Variants in CCDC150 observed in about 807,000 individuals in gnomAD.
CCDC150 encodes the protein coiled-coil domain containing 150.
In CCDC150, 151 loss-of-function variants were observed where a neutral mutation model predicts 156.5. That is an observed-to-expected ratio of 0.97 (90% confidence interval 0.85 to 1.10). CCDC150 has a LOEUF of 1.10. Ranked by LOEUF, CCDC150 falls within the 50% of genes least tolerant of loss-of-function variation. CCDC150 has a pLI of 0.00. For missense variants in CCDC150, 1,312 were observed against 1,268.1 expected (o/e 1.03, Z -0.53); for synonymous variants, 452 against 429.4 (o/e 1.05, Z -0.65).
At chr2:196,709,054 T>G (rs553971635) in intron 15 of CCDC150, among the ~76,000 whole-genome samples, 4 of 152,332 alleles carry the variant, frequency 2.6e-5, no homozygotes, top group African/African-American at 9.6e-5. Flanking sequence ...TGTCCTGTCT[T>G]GCTAGGTTGG....
chr2:196,648,421 C>A (rs941568493), intron 2 of CCDC150, among the ~76,000 whole-genome samples: 6 of 151,828 alleles, frequency 4.0e-5, no homozygotes, highest in African/African-American at 1.5e-4. Flanking sequence ...ATCAAGTTGG[C>A]CATTTGTATG....
chr2:196,645,469 G>T (rs191895852), intron 1 of CCDC150, among the ~76,000 whole-genome samples: 1 of 152,172 alleles, frequency 6.6e-6, no homozygotes, highest in Non-Finnish European at 1.5e-5. Flanking sequence ...GAACACTATC[G>T]CTAGAAATGG....
intron 13 of CCDC150, among the ~76,000 whole-genome samples, chr2:196,685,672 T>C (rs954147950): frequency 6.6e-6 from 1 of 151,762 alleles, no homozygotes; most frequent in Non-Finnish European, 1.5e-5. Context: ...AGTGCAGCGG[T>C]GCCATCTCGG....
chr2:196,676,365 T>A, intron 11 of CCDC150, 98 bp downstream of exon 11: 1 of 1,478,660 alleles, frequency 6.8e-7, no homozygotes. Flanking sequence ...TGAAAACATT[T>A]GATTCTGCAT....
intron 17 of CCDC150, among the ~76,000 whole-genome samples, chr2:196,717,383 G>A (rs1306459511): frequency 6.6e-6 from 1 of 152,130 alleles, no homozygotes; most frequent in Admixed American, 6.5e-5. Context: ...TGTGGCAGTG[G>A]CAGTCATGTG....
chr2:196,667,844 C>T (rs1693940110), intron 7 of CCDC150: 1 of 152,206 alleles, frequency 6.6e-6, no homozygotes, highest in Non-Finnish European at 1.5e-5. Context: ...TAGTGAATTA[C>T]TGTGTGAAGT....
Position 196,676,660 on chromosome 2 carries a change from C to T in CCDC150, c.1369C>T (p.Arg457Ter), listed in dbSNP as rs760076975. ...ELLESTIARL[R>*]GELEASMQEK... ...GCTAGAATCAACTATTGCAAGATTG[C>T]GAGGTGAATTGGAAGCATCAATGCA... is the stretch of plus-strand genomic sequence containing the variant. The change falls in exon 12 of 28, where the codon CGA becomes TGA. Residue 457 changes from arginine (R) to a stop codon, truncating the protein, a stop_gained. Coordinates refer to ENST00000389175, the MANE Select transcript of CCDC150 (RefSeq NM_001080539.2). LOFTEE classifies it high-confidence loss of function. The T allele has an allele frequency of 8.1e-6, 13 of 1,613,604 alleles. No individual in the cohort carries two copies. Among genetic ancestry groups the T allele is most frequent in the South Asian group, 4.4e-5 (4 of 91,066 alleles).
chr2:196,704,174 G>A (rs1696431391), intron 15 of CCDC150, among the ~76,000 whole-genome samples: 1 of 152,184 alleles, frequency 6.6e-6, no homozygotes. Context: ...TACATTTTCA[G>A]AATCAACTTG....
chr2:196,713,490 C>T (rs1287706172), intron 17 of CCDC150: 2 of 1,550,732 alleles, frequency 1.3e-6, no homozygotes, highest in South Asian at 1.2e-5. Context: ...CCAAACTCTA[C>T]ACGCCGTGTG....
intron 4 of CCDC150, among the ~76,000 whole-genome samples, chr2:196,657,821 T>C (rs1312271553): frequency 6.6e-6 from 1 of 152,214 alleles, no homozygotes; most frequent in Non-Finnish European, 1.5e-5. Flanking sequence ...TTAACAATGA[T>C]AGTACTGGGT....
chr2:196,682,411 T>G (rs1347919258), intron 13 of CCDC150, among the ~76,000 whole-genome samples: 1 of 151,570 alleles, frequency 6.6e-6, no homozygotes, highest in African/African-American at 2.4e-5. Flanking sequence ...CTTTTTTTTT[T>G]GTTGTTATTT....
At chr2:196,680,843 T>C (rs1039645578) in intron 13 of CCDC150, among the ~76,000 whole-genome samples, 1 of 152,210 alleles carries the variant, frequency 6.6e-6, no homozygotes, top group African/African-American at 2.4e-5. Context: ...CCACCAGCAA[T>C]GTTTGAGAGT....
chr2:196,646,316 A>G, intron 1 of CCDC150, 25 bp from the exon 2 acceptor site: 1 of 1,608,696 alleles, frequency 6.2e-7, no homozygotes, highest in Non-Finnish European at 8.5e-7. Context: ...GACCTACCAC[A>G]CTAAGATTGT....
intron 12 of CCDC150, 90 bp from the exon 13 acceptor site, chr2:196,677,203 A>G: frequency 1.2e-6 from 1 of 830,374 alleles, no homozygotes; most frequent in Admixed American, 2.0e-5. Context: ...GTAGGTATTA[A>G]TTGACATGCA....
At chr2:196,702,236 G>A (rs1180791919) in intron 15 of CCDC150, among the ~76,000 whole-genome samples, 1 of 152,054 alleles carries the variant, frequency 6.6e-6, no homozygotes, top group Non-Finnish European at 1.5e-5. Flanking sequence ...GTGATAGAGT[G>A]AGACCCTGTC....
At chr2:196,672,734 C>T (rs1575803072) in intron 9 of CCDC150, among the ~76,000 whole-genome samples, 1 of 152,194 alleles carries the variant, frequency 6.6e-6, no homozygotes, top group East Asian at 1.9e-4. Flanking sequence ...TGTATTTCCC[C>T]CTCCAAAGTG....
chr2:196,730,931 G>A lies in CCDC150; in HGVS notation c.3055G>A (p.Val1019Met). The A allele has an allele frequency of 6.3e-7, 1 of 1,596,924 alleles. No individual in the cohort carries two copies. Among genetic ancestry groups the A allele is most frequent in the East Asian group, 2.3e-5 (1 of 44,280 alleles). Residue 1019 changes from valine to methionine, a missense_variant, in exon 26 of 28, where the codon GTG becomes ATG. By Grantham distance (21) the Val-to-Met change is conservative (BLOSUM62 1). Coordinates refer to ENST00000389175, the MANE Select transcript of CCDC150 (RefSeq NM_001080539.2). ...ATENTLKEAS[V>M]ESEQITANLE... ...AGAGAATACGCTGAAAGAAGCCAGT[G>A]TGGAATCAGAACAGGTGAGCCAGAC...
At chr2:196,728,170 A>C (rs572864441) in intron 22 of CCDC150, among the ~76,000 whole-genome samples, 2 of 152,192 alleles carry the variant, frequency 1.3e-5, no homozygotes, top group Non-Finnish European at 2.9e-5. Context: ...CTTGAGTATT[A>C]AATTGGAAAG....
At chr2:196,727,113 A>C (rs1204449058) in intron 22 of CCDC150, 1 of 152,284 alleles carries the variant, frequency 6.6e-6, no homozygotes, top group Admixed American at 6.5e-5. Flanking sequence ...TAATAGAAAA[A>C]AAATCAAACA....
Sources: gnomAD v4.1 joint callset for allele counts (sites outside exome capture counted in the v4.1 genomes callset) on GRCh38, gnomAD v4.1.1 for gene constraint, MANE v1.5 for transcripts, NCBI Gene and HGNC (gene_info 2026-07-23, HGNC 2026-07-21) for gene names.